The following PBX1 variants were observed in gnomAD, a reference collection of about 807,000 sequenced individuals.
PBX1 encodes PBX homeobox 1, also known as pre-B-cell leukemia transcription factor 1.
PBX1 carries 6 observed loss-of-function variants against 53.4 expected under a neutral mutation model. The observed-to-expected ratio is 0.11, with a 90% confidence interval of 0.06 to 0.22. The LOEUF (loss-of-function observed/expected upper bound fraction) is 0.22. Ranked by LOEUF, PBX1 falls within the 10% of genes least tolerant of loss-of-function variation. The probability of loss-of-function intolerance (pLI) is 1.00; values close to 1 mark genes in which losing one functional copy is unlikely to be tolerated. For missense variants in PBX1, 251 were observed against 551.4 expected, an observed-to-expected ratio of 0.46 and a Z score of 5.46; for synonymous variants, 204 against 212.3, an observed-to-expected ratio of 0.96 and a Z score of 0.34.
intron 2 of PBX1, among the ~76,000 whole-genome samples, chr1:164,785,184 C>G (rs534874147): frequency 6.6e-6 from 1 of 152,154 alleles, no homozygotes; most frequent in Admixed American, 6.5e-5. Flanking sequence ...TAATCAGAAG[C>G]GCTGACTGAC....
intron 2 of PBX1, among the ~76,000 whole-genome samples, chr1:164,691,338 G>T (rs1273159238): frequency 6.6e-6 from 1 of 152,096 alleles, no homozygotes; most frequent in Non-Finnish European, 1.5e-5. Context: ...TTGAAAAGTT[G>T]TCTAGCATAG....
At chr1:164,786,810 G>C (rs975565351) in intron 2 of PBX1, among the ~76,000 whole-genome samples, 30 of 151,794 alleles carry the variant, frequency 2.0e-4, no homozygotes, top group Admixed American at 6.6e-5. Flanking sequence ...ATATTGTAGA[G>C]GACTGAAGTG....
Position 164,781,874 on chromosome 1 carries a change from C to G in PBX1, c.266-10620C>G, listed in dbSNP as rs1260103946. On this transcript the variant is annotated intron_variant, in intron 2 of 8. Coordinates refer to ENST00000420696, the MANE Select transcript of PBX1 (RefSeq NM_002585.4). ...TGTGACTTGCCTCTGGTTATTAAAT[C>G]TGCCTTTTTCTAATTTTCTCTGTAA... Among the ~76,000 whole-genome samples, 3 of 151,980 alleles carry G rather than the reference C, an allele frequency of 2.0e-5. No homozygotes were observed. The East Asian group carries it at 5.8e-4, about 29-fold the overall frequency.
At chr1:164,634,662 C>T (rs1658627605) in intron 2 of PBX1, among the ~76,000 whole-genome samples, 1 of 152,170 alleles carries the variant, frequency 6.6e-6, no homozygotes, top group African/African-American at 2.4e-5. Context: ...CCCATTAATA[C>T]ACCAACACCA....
intron 2 of PBX1, among the ~76,000 whole-genome samples, chr1:164,616,261 C>T (rs1657271808): frequency 6.6e-6 from 1 of 151,262 alleles, no homozygotes; most frequent in South Asian, 2.1e-4. Flanking sequence ...CACACTGCTG[C>T]TGCCTGGTGC....
chr1:164,592,678 A>G (rs1488375993), intron 2 of PBX1, among the ~76,000 whole-genome samples: 2 of 152,208 alleles, frequency 1.3e-5, no homozygotes, highest in Non-Finnish European at 2.9e-5. Flanking sequence ...GAAAAGCAGT[A>G]CAGGATCTAC....
intron 4 of PBX1, among the ~76,000 whole-genome samples, chr1:164,802,958 T>C (rs1403297339): frequency 6.6e-6 from 1 of 152,152 alleles, no homozygotes; most frequent in Non-Finnish European, 1.5e-5. Context: ...TTCTATAACA[T>C]TTTTCTGGAA....
intron 2 of PBX1, among the ~76,000 whole-genome samples, chr1:164,776,822 A>C (rs1455615540): frequency 6.6e-6 from 1 of 152,110 alleles, no homozygotes; most frequent in Non-Finnish European, 1.5e-5. Flanking sequence ...GTCATTGTAC[A>C]TATGGCTTGT....
At position 164,807,531 on chromosome 1, in the gene PBX1, T is replaced by A. The variant is rs775018487; in HGVS notation, c.702-11T>A. 1.2e-6 allele frequency: 2 copies of A among 1,611,558 alleles called. No homozygotes were observed. The highest frequency in any genetic ancestry group is 3.3e-5 in the Admixed American group (2 of 59,726). ...AGCCTTTTTGTTATTATTTCCTTTC[T>A]CTTTACAAAGGCGGAAGAGACGGAA... On this transcript the variant is annotated splice_polypyrimidine_tract_variant and intron_variant, in intron 4 of 8. Coordinates refer to ENST00000420696, the MANE Select transcript of PBX1 (RefSeq NM_002585.4).
At chr1:164,652,873 CT>C (rs34214272) in intron 2 of PBX1, among the ~76,000 whole-genome samples, 397 of 142,606 alleles carry the variant, frequency 2.8e-3, no homozygotes, top group African/African-American at 6.6e-3. Flanking sequence ...CCTGTTTAAA[CT>C]TTTTTTTTTT....
chr1:164,772,016 GA>G lies in PBX1; in HGVS notation c.266-20471del, dbSNP rs769903402. On this transcript the variant is annotated intron_variant, in intron 2 of 8. Coordinates refer to ENST00000420696, the MANE Select transcript of PBX1 (RefSeq NM_002585.4). ...TGGGCCCTACCCCAAGAATAGGGGG[GA>G]AAAAAATCCTGCCCCAAGAATTCCA... 9.3e-4 allele frequency among the ~76,000 whole-genome samples: 142 copies of G among 152,172 alleles called. 1 individual carries two copies. Among genetic ancestry groups the G allele is most frequent in the East Asian group, 2.3e-3 (12 of 5,164 alleles).
intron 2 of PBX1, among the ~76,000 whole-genome samples, chr1:164,652,888 C>G (rs1182810786): frequency 8.6e-6 from 1 of 116,944 alleles, no homozygotes; most frequent in East Asian, 2.4e-4. Flanking sequence ...TTTTTTTTTT[C>G]GGACAGAGTC....
At chr1:164,723,059 C>T (rs1173700019) in intron 2 of PBX1, among the ~76,000 whole-genome samples, 1 of 152,134 alleles carries the variant, frequency 6.6e-6, no homozygotes, top group Non-Finnish European at 1.5e-5. Flanking sequence ...ATTAGGAGCT[C>T]AATGCTCTCA....
chr1:164,883,374 T>A (rs985477029), intron 2 of PBX1, among the ~76,000 whole-genome samples: 10 of 152,206 alleles, frequency 6.6e-5, no homozygotes, highest in Non-Finnish European at 1.3e-4. Context: ...AAATGGATAT[T>A]TTCAAAGCAT....
At chr1:164,566,554 A>T (rs965870595) in intron 2 of PBX1, among the ~76,000 whole-genome samples, 1 of 152,200 alleles carries the variant, frequency 6.6e-6, no homozygotes, top group Non-Finnish European at 1.5e-5. Flanking sequence ...GTCTTCTGGC[A>T]TATTAGTAAT....
intron 5 of PBX1, among the ~76,000 whole-genome samples, chr1:164,810,938 T>A (rs1206872503): frequency 6.6e-6 from 1 of 152,190 alleles, no homozygotes; most frequent in Non-Finnish European, 1.5e-5. Flanking sequence ...CCTTATAAGA[T>A]GTTTTAAGTT....
intron 2 of PBX1, among the ~76,000 whole-genome samples, chr1:164,617,436 C>T (rs1484730255): frequency 8.5e-5 from 13 of 152,160 alleles, no homozygotes; most frequent in African/African-American, 2.7e-4. Flanking sequence ...ACATTATTGC[C>T]ATGTATAGTA....
At chr1:164,563,555 T>C (rs1011778936) in intron 2 of PBX1, among the ~76,000 whole-genome samples, 2 of 152,162 alleles carry the variant, frequency 1.3e-5, no homozygotes, top group East Asian at 3.9e-4. Context: ...CTTTTTGAGA[T>C]TGGGGCTAAA....
chr1:164,800,044 C>G (rs1668992243), intron 4 of PBX1, among the ~76,000 whole-genome samples, 155 bp downstream of exon 4: 1 of 152,274 alleles, frequency 6.6e-6, no homozygotes, highest in South Asian at 2.1e-4. Flanking sequence ...GATGGGCCAT[C>G]GGTTTCACAC....
Sources: allele counts gnomAD v4.1 joint callset (sites outside exome capture counted in the v4.1 genomes callset), GRCh38; gene constraint gnomAD v4.1.1; transcripts MANE v1.5; gene names NCBI Gene and HGNC (gene_info 2026-07-23, HGNC 2026-07-21).